SGPL1: variants seen among roughly 807,000 people sequenced by gnomAD.
SGPL1 encodes the protein SP-lyase 1.
In SGPL1, 37 loss-of-function variants were observed where a neutral mutation model predicts 68.9. The observed-to-expected ratio is 0.54, with a 90% confidence interval of 0.41 to 0.71. The LOEUF (loss-of-function observed/expected upper bound fraction) is 0.71, where lower values mean the gene tolerates loss of function less well. Ranked by LOEUF, SGPL1 falls within the 30% of genes least tolerant of loss-of-function variation. The pLI is 0.00. For missense variants in SGPL1, 551 were observed against 704.6 expected, an observed-to-expected ratio of 0.78 and a Z score of 2.47; for synonymous variants, 236 against 248.5, an observed-to-expected ratio of 0.95 and a Z score of 0.47.
chr10:70,863,474 T>TTGTGA (rs1846120859), intron 7 of SGPL1, among the ~76,000 whole-genome samples: 2 of 152,032 alleles, frequency 1.3e-5, no homozygotes, highest in Admixed American at 1.3e-4. Context: ...TTCCTTATAT[T>TTGTGA]TGTGATTTTA....
Position 70,851,149 on chromosome 10 carries a change from G to C in SGPL1, c.200G>C (p.Trp67Ser). 6.2e-7 allele frequency: 1 copy of C among 1,612,990 alleles called. No homozygotes were observed. The highest frequency in any genetic ancestry group is 8.5e-7 in the Non-Finnish European group (1 of 1,179,048). The change falls in exon 4 of 15, where the codon TGG becomes TCG. Residue 67 changes from tryptophan to serine, a missense_variant. Physicochemically the swap from Trp to Ser is radical, Grantham distance 177. Coordinates refer to ENST00000373202, the MANE Select transcript of SGPL1 (RefSeq NM_003901.4). ...AACCATTTGTTTCTTTTAGGTTTAT[G>C]GTCAAGGTTTAAAAAGAAATGTTTT... ...YEFVFQPESLWSRFKKKCFKL... is the reference protein window; with the variant it reads ...YEFVFQPESLSSRFKKKCFKL...
chr10:70,872,712 T>G (rs1846317926), intron 11 of SGPL1, among the ~76,000 whole-genome samples: 1 of 152,230 alleles, frequency 6.6e-6, no homozygotes, highest in South Asian at 2.1e-4. Flanking sequence ...GTTTTTTCCT[T>G]ACCATCCAGA....
chr10:70,845,170 G>A (rs556798037), intron 3 of SGPL1, among the ~76,000 whole-genome samples: 5 of 152,152 alleles, frequency 3.3e-5, no homozygotes, highest in East Asian at 3.9e-4. Flanking sequence ...TGTAGTTCAC[G>A]TAAAAACGCC....
intron 7 of SGPL1, among the ~76,000 whole-genome samples, chr10:70,860,915 T>C (rs1322990451): frequency 1.3e-5 from 2 of 152,184 alleles, no homozygotes; most frequent in African/African-American, 2.4e-5. Context: ...TTGTAGCTCT[T>C]ATTCAGATTG....
chr10:70,856,881 G>T (rs776255597), intron 5 of SGPL1, among the ~76,000 whole-genome samples: 2 of 152,164 alleles, frequency 1.3e-5, no homozygotes, highest in Admixed American at 6.5e-5. Flanking sequence ...AGAATGTCTC[G>T]GGGAGAGAGG....
chr10:70,873,978 A>G (rs894073458), intron 12 of SGPL1, among the ~76,000 whole-genome samples: 1 of 152,194 alleles, frequency 6.6e-6, no homozygotes, highest in African/African-American at 2.4e-5. Context: ...CCACCCCTAG[A>G]GTTTCTGATT....
In SGPL1 at chr10:70,815,992, C is replaced by T. The variant is rs1056303180; in HGVS notation, c.-178C>T. On this transcript the variant is annotated 5_prime_UTR_variant, in exon 1 of 15. Transcript: ENST00000373202. ...CCGGCGGCTGCCGGGCCTCCAATCT[C>T]GGCGGCGGCGGCGGCAACAGGGGAG... The T allele has an allele frequency of 3.3e-5, 5 of 151,294 alleles. No homozygotes were observed. The highest frequency in any genetic ancestry group is 1.2e-4 in the African/African-American group (5 of 41,236). The allele number at this position is 151,294 out of a possible 1,614,324, so 9.4% of individuals were successfully genotyped here. A position where few individuals can be genotyped will look rare whatever the true frequency, so the allele number is the denominator to read the frequency against.
chr10:70,865,800 T>C (rs901050482), intron 7 of SGPL1, among the ~76,000 whole-genome samples: 2 of 152,278 alleles, frequency 1.3e-5, no homozygotes, highest in Non-Finnish European at 2.9e-5. Context: ...GAAATTAGGT[T>C]ACCATGTGAA....
chr10:70,856,547 T>G (rs1342313701), intron 5 of SGPL1, among the ~76,000 whole-genome samples: 1 of 152,222 alleles, frequency 6.6e-6, no homozygotes, highest in Non-Finnish European at 1.5e-5. Context: ...ACCAGTTATC[T>G]TATTTTTGAA....
intron 4 of SGPL1, among the ~76,000 whole-genome samples, chr10:70,852,739 C>CGT (rs1845908093): frequency 1.3e-5 from 2 of 151,552 alleles, no homozygotes; most frequent in African/African-American, 2.4e-5. Context: ...CGCGCGCACG[C>CGT]GTGTGTGTAT....
In SGPL1 at chr10:70,877,340, G is replaced by A. The variant is rs1356380207; in HGVS notation, c.*5G>A. 1 of 1,614,092 alleles carries A rather than the reference G, an allele frequency of 6.2e-7. No individual in the cohort carries two copies. The highest frequency in any genetic ancestry group is 1.7e-5 in the Admixed American group (1 of 60,022). On this transcript the variant is annotated 3_prime_UTR_variant, in exon 15 of 15. Transcript: ENST00000373202. ...GGTTCTCCAAAACCCCACTGAACTTGGACCCTTTCTAGTCTCAAGGGGATT... is the reference window on the plus strand; with the variant it reads ...GGTTCTCCAAAACCCCACTGAACTTAGACCCTTTCTAGTCTCAAGGGGATT...
Position 70,815,979 on chromosome 10 carries a change from G to C in SGPL1, c.-191G>C, listed in dbSNP as rs1314994636. 1 of 151,400 alleles carries C rather than the reference G, an allele frequency of 6.6e-6. No individual in the cohort carries two copies. 9.4% of individuals were successfully genotyped at this position (151,400 alleles called of 1,614,324 possible). On this transcript the variant is annotated 5_prime_UTR_variant, in exon 1 of 15. Transcript: ENST00000373202. ...GGGAGGGGCGAGGCCGGCGGCTGCC[G>C]GGCCTCCAATCTCGGCGGCGGCGGC...
At chr10:70,856,019 G>T (rs1220585949) in intron 5 of SGPL1, among the ~76,000 whole-genome samples, 2 of 151,992 alleles carry the variant, frequency 1.3e-5, no homozygotes, top group Non-Finnish European at 2.9e-5. Context: ...TTTTGAGACA[G>T]AGTCTCACTG....
At chr10:70,867,408 C>T (rs538223000) in intron 7 of SGPL1, among the ~76,000 whole-genome samples, 54 of 152,186 alleles carry the variant, frequency 3.5e-4, no homozygotes, top group Middle Eastern at 6.8e-3. Context: ...GCTAAAAATA[C>T]AAAAATTAGG....
In SGPL1 at chr10:70,878,356, A is replaced by G. The variant is rs1169445551; in HGVS notation, c.*1021A>G. 1 of 152,158 alleles carries G rather than the reference A, an allele frequency of 6.6e-6. No homozygotes were observed. Among genetic ancestry groups the G allele is most frequent in the African/African-American group, 2.4e-5 (1 of 41,430 alleles). The allele number at this position is 152,158 out of a possible 1,614,324, so 9.4% of individuals were successfully genotyped here. ...CCATCTTTGGAGATTATTGTTTGGA[A>G]TGATGCTTCCATTGGCTTTTTCTTG... On this transcript the variant is annotated 3_prime_UTR_variant, in exon 15 of 15. Transcript: ENST00000373202.
At chr10:70,816,621 G>A (rs1314722056) in intron 1 of SGPL1, among the ~76,000 whole-genome samples, 190 bp from the exon 2 acceptor site, 1 of 152,186 alleles carries the variant, frequency 6.6e-6, no homozygotes, top group Non-Finnish European at 1.5e-5. Flanking sequence ...GCTGTGGGAG[G>A]GAAACCTAGT....
intron 2 of SGPL1, among the ~76,000 whole-genome samples, chr10:70,842,618 G>A (rs1204275268): frequency 6.6e-6 from 1 of 152,048 alleles, no homozygotes; most frequent in Non-Finnish European, 1.5e-5. Flanking sequence ...AGAGAGTGGG[G>A]GGAGGTCCTA....
intron 7 of SGPL1, among the ~76,000 whole-genome samples, chr10:70,860,730 A>G (rs1021221191): frequency 6.6e-6 from 1 of 152,230 alleles, no homozygotes; most frequent in African/African-American, 2.4e-5. Flanking sequence ...ATGACCCAGA[A>G]ATTCTGCTAC....
At chr10:70,847,588 T>C (rs1268825501) in intron 3 of SGPL1, among the ~76,000 whole-genome samples, 1 of 152,242 alleles carries the variant, frequency 6.6e-6, no homozygotes, top group Non-Finnish European at 1.5e-5. Flanking sequence ...TCTGTTTCTA[T>C]ATCTGAATCC....
Sources: allele counts gnomAD v4.1 joint callset (sites outside exome capture counted in the v4.1 genomes callset), GRCh38; gene constraint gnomAD v4.1.1; transcripts MANE v1.5; gene names NCBI Gene and HGNC (gene_info 2026-07-23, HGNC 2026-07-21).